Variants in AOPEP observed in about 807,000 individuals in gnomAD.
The protein encoded by AOPEP is aminopeptidase O (putative).
AOPEP carries 77 observed loss-of-function variants against 98.1 expected under a neutral mutation model. The observed-to-expected ratio is 0.78, with a 90% confidence interval of 0.65 to 0.95. The LOEUF (loss-of-function observed/expected upper bound fraction) is 0.95. Among genes scored for constraint, AOPEP ranks in the 40% least tolerant of loss-of-function variants. The pLI, the probability that AOPEP is intolerant of heterozygous loss-of-function variation, is 0.00. For synonymous variants in AOPEP, 346 were observed against 365.3 expected, an observed-to-expected ratio of 0.95 and a Z score of 0.60; for missense variants, 1,024 against 1,024.7, an observed-to-expected ratio of 1.00 and a Z score of 0.01.
chr9:94,841,296 T>C (rs991654634), intron 5 of AOPEP, among the ~76,000 whole-genome samples: 14 of 151,936 alleles, frequency 9.2e-5, no homozygotes, highest in African/African-American at 3.1e-4. Context: ...CTCAGCCTCC[T>C]GAGTAGCTGG....
At chr9:94,936,051 TCTC>T (rs934657282) in intron 7 of AOPEP, among the ~76,000 whole-genome samples, 1 of 152,110 alleles carries the variant, frequency 6.6e-6, no homozygotes, top group African/African-American at 2.4e-5. Flanking sequence ...CAACTCCTCT[TCTC>T]CACCCCTAAT....
intron 7 of AOPEP, among the ~76,000 whole-genome samples, chr9:94,945,589 G>A (rs948681919): frequency 6.6e-6 from 1 of 152,092 alleles, no homozygotes; most frequent in African/African-American, 2.4e-5. Context: ...CACCCCTGCC[G>A]CTGCCGCCCC....
chr9:94,743,541 C>T (rs1014175265), intron 1 of AOPEP, among the ~76,000 whole-genome samples: 51 of 152,226 alleles, frequency 3.4e-4, no homozygotes, highest in African/African-American at 1.1e-3. Context: ...AAAGCAACAA[C>T]TAGAGTGTTA....
At chr9:95,120,966 C>T in the AOPEP span, among the ~76,000 whole-genome samples, 1 of 152,198 alleles carries the variant, frequency 6.6e-6, no homozygotes, top group Non-Finnish European at 1.5e-5. Flanking sequence ...TGGCCCCACA[C>T]TGCCTGCCTT....
chr9:94,783,734 A>G (rs1006352675), intron 3 of AOPEP, among the ~76,000 whole-genome samples: 2 of 152,074 alleles, frequency 1.3e-5, no homozygotes, highest in African/African-American at 4.8e-5. Flanking sequence ...TCTCTATAGT[A>G]TGTCTGTATA....
At chr9:95,018,666 C>T (rs1022267609) in intron 13 of AOPEP, among the ~76,000 whole-genome samples, 1 of 152,226 alleles carries the variant, frequency 6.6e-6, no homozygotes, top group African/African-American at 2.4e-5. Flanking sequence ...TGTCTGATGA[C>T]ATGCAGCTTG....
intron 2 of AOPEP, among the ~76,000 whole-genome samples, chr9:94,771,881 G>T (rs1356453376): frequency 6.6e-6 from 1 of 151,762 alleles, no homozygotes; most frequent in Non-Finnish European, 1.5e-5. Flanking sequence ...TCCTCTGATT[G>T]GTCTCTCCGC....
intron 11 of AOPEP, among the ~76,000 whole-genome samples, chr9:94,996,732 T>C (rs1350031878): frequency 3.9e-5 from 6 of 152,228 alleles, no homozygotes; most frequent in African/African-American, 1.4e-4. Context: ...CAGTAGTAAC[T>C]AATCCCTTTT....
At chr9:94,861,699 A>T (rs2045018260) in intron 5 of AOPEP, among the ~76,000 whole-genome samples, 1 of 152,150 alleles carries the variant, frequency 6.6e-6, no homozygotes, top group South Asian at 2.1e-4. Context: ...GATGTTATTT[A>T]CTGTTCCCAA....
At chr9:95,077,000 T>C (rs1351126835) in intron 14 of AOPEP, among the ~76,000 whole-genome samples, 1 of 152,196 alleles carries the variant, frequency 6.6e-6, no homozygotes, top group Non-Finnish European at 1.5e-5. Context: ...AGGTACCTTG[T>C]GGCTGGGGAA....
the AOPEP span, chr9:95,126,452 C>A: frequency 7.3e-7 from 1 of 1,372,566 alleles, no homozygotes; most frequent in East Asian, 2.3e-5. Context: ...CAGAGACTAC[C>A]ACAACATTTT....
At chr9:94,731,943 C>T (rs2131693913) in intron 1 of AOPEP, among the ~76,000 whole-genome samples, 1 of 152,016 alleles carries the variant, frequency 6.6e-6, no homozygotes, top group Non-Finnish European at 1.5e-5. Context: ...TGGCACCACA[C>T]CTGGCTAATT....
At chr9:95,079,297 A>G (rs980806431) in intron 14 of AOPEP, among the ~76,000 whole-genome samples, 4 of 152,250 alleles carry the variant, frequency 2.6e-5, no homozygotes, top group Non-Finnish European at 5.9e-5. Flanking sequence ...TCAGTGGATA[A>G]TGATGTCATT....
chr9:94,997,026 G>A (rs2061289149), intron 11 of AOPEP, among the ~76,000 whole-genome samples: 1 of 152,182 alleles, frequency 6.6e-6, no homozygotes, highest in Non-Finnish European at 1.5e-5. Flanking sequence ...TACAGATGAT[G>A]AGTTGGAAAT....
chr9:95,064,803 A>T (rs2067705370), intron 14 of AOPEP, among the ~76,000 whole-genome samples: 2 of 152,244 alleles, frequency 1.3e-5, no homozygotes, highest in Admixed American at 1.3e-4. Context: ...TTTGGGCCAA[A>T]AGCATAGTTC....
the AOPEP span, chr9:95,135,366 A>G: frequency 1.7e-5 from 27 of 1,614,004 alleles, no homozygotes; most frequent in Admixed American, 5.0e-5. Flanking sequence ...TCTTTTATAA[A>G]GCATTCGATC....
intron 7 of AOPEP, among the ~76,000 whole-genome samples, chr9:94,931,156 A>G (rs540609302): frequency 1.3e-5 from 2 of 152,304 alleles, no homozygotes; most frequent in South Asian, 4.1e-4. Flanking sequence ...CAGTTCACAC[A>G]TGAGGAGGGC....
At chr9:94,947,052 C>T (rs1240844071) in intron 7 of AOPEP, among the ~76,000 whole-genome samples, 2 of 151,424 alleles carry the variant, frequency 1.3e-5, no homozygotes, top group East Asian at 1.9e-4. Context: ...TCTCGGCTCA[C>T]TGCAAGCTCC....
At chr9:95,070,748 A>G (rs531099239) in intron 14 of AOPEP, among the ~76,000 whole-genome samples, 75 of 152,362 alleles carry the variant, frequency 4.9e-4, no homozygotes, top group African/African-American at 1.7e-3. Context: ...GGAGCTGGAA[A>G]GGCTGCAAGC....
Sources: gnomAD v4.1 joint callset for allele counts (sites outside exome capture counted in the v4.1 genomes callset) on GRCh38, gnomAD v4.1.1 for gene constraint, MANE v1.5 for transcripts, NCBI Gene and HGNC (gene_info 2026-07-23, HGNC 2026-07-21) for gene names.